BRD4: variants seen among roughly 807,000 people sequenced by gnomAD.
BRD4 encodes the protein bromodomain containing 4.
Under a neutral mutation model 142.1 loss-of-function variants are expected in BRD4, and 16 were observed. That is an observed-to-expected ratio of 0.11 (90% CI 0.08 to 0.17). The LOEUF (loss-of-function observed/expected upper bound fraction) is 0.17. Ranked by LOEUF, BRD4 falls within the 10% of genes least tolerant of loss-of-function variation. BRD4 has a pLI of 1.00. For missense variants in BRD4, 1,424 were observed against 1,810.9 expected (o/e 0.79, Z 3.88); for synonymous variants, 833 against 707.5 (o/e 1.18, Z -2.82).
At chr19:15,319,622 A>G (rs1345059581) in intron 1 of BRD4, among the ~76,000 whole-genome samples, 1 of 152,070 alleles carries the variant, frequency 6.6e-6, no homozygotes, top group East Asian at 1.9e-4. Context: ...TTAAAAAATA[A>G]AAATAAAAAG....
chr19:15,273,039 G>T lies in BRD4; in HGVS notation c.61C>A (p.Leu21Ile). The stretch of plus-strand genomic sequence containing the variant: ...GTTGTAGACATTTGGGAAGTTTCTA[G>T]TCCATCCCCCATTACTGGCAGATTT... ...LRNLPVMGDG[L>I]ETSQMSTTQA... The change falls in exon 2 of 20, where the codon CTA becomes ATA. Residue 21 changes from leucine (L) to isoleucine (I), a missense_variant. Transcript: ENST00000679869. 1 of 1,613,236 alleles carries T rather than the reference G, an allele frequency of 6.2e-7. No individual in the cohort carries two copies. Among genetic ancestry groups the T allele is most frequent in the South Asian group, 1.1e-5 (1 of 91,030 alleles).
Position 15,263,421 on chromosome 19 carries a change from TG to T in BRD4, c.1339del (p.Gln447ArgfsTer137). ...HEVVAMARKL[Q>X]DVFEMRFAKM... ...TGGCTGCGCCCTCCCAAGCCTCACCTGGAGCTTGCGGGCCATGGCCACCACC... is the reference window on the plus strand; with the variant it reads ...TGGCTGCGCCCTCCCAAGCCTCACCTGAGCTTGCGGGCCATGGCCACCACC... On this transcript the variant is annotated frameshift_variant and splice_region_variant, in exon 7 of 20. Transcript: ENST00000679869. LOFTEE classifies it high-confidence loss of function. 1 of 1,613,998 alleles carries T rather than the reference TG, an allele frequency of 6.2e-7. No homozygotes were observed. Among genetic ancestry groups the T allele is most frequent in the Non-Finnish European group, 8.5e-7 (1 of 1,179,850 alleles).
intron 13 of BRD4, among the ~76,000 whole-genome samples, chr19:15,243,910 A>G (rs1006789668): frequency 6.6e-6 from 1 of 152,194 alleles, no homozygotes; most frequent in African/African-American, 2.4e-5. Context: ...AAAGCTGCAG[A>G]GGGGTCCCAG....
chr19:15,296,930 C>CT (rs1004829364), intron 1 of BRD4, among the ~76,000 whole-genome samples: 37 of 152,202 alleles, frequency 2.4e-4, no homozygotes, highest in Non-Finnish European at 4.7e-4. Context: ...AGAAGCCCCC[C>CT]CCACCAACAG....
At position 15,257,087 on chromosome 19, in the gene BRD4, G is replaced by T. The variant is rs752498366; in HGVS notation, c.1428C>A (p.Pro476=). 6.2e-6 allele frequency: 10 copies of T among 1,607,672 alleles called. No individual in the cohort carries two copies. In the East Asian group the frequency reaches 1.8e-4, roughly 29 times the overall value. ...ATGAGGGCGGGGCCACAACCTTGGT[G>T]GGAGGGGGCACTGCCGGGGAGGACA... ...VAVSSPAVPP[P]TKVVAPPSSS... Residue 476 remains proline (P), a synonymous_variant, in exon 8 of 20, where the codon CCC becomes CCA. Coordinates refer to ENST00000679869, the MANE Select transcript of BRD4 (RefSeq NM_001379291.1).
Position 15,299,994 on chromosome 19 carries a change from C to T in BRD4, c.-34-26861G>A, listed in dbSNP as rs540368486. Among the ~76,000 whole-genome samples, 13 of 152,306 alleles carry T rather than the reference C, an allele frequency of 8.5e-5. No individual in the cohort carries two copies. In the East Asian group the frequency reaches 2.3e-3, roughly 27 times the overall value. Reference sequence around the variant, plus strand: ...GCACAGTGATTCATGCCTGCAATCCCAGCACTTTGGGAGGCTGAGGTGAGA... The same window carrying T: ...GCACAGTGATTCATGCCTGCAATCCTAGCACTTTGGGAGGCTGAGGTGAGA... On this transcript the variant is annotated intron_variant, in intron 1 of 19. Transcript: ENST00000679869.
chr19:15,258,853 GA>G (rs2047439712), intron 7 of BRD4, among the ~76,000 whole-genome samples: 1 of 152,090 alleles, frequency 6.6e-6, no homozygotes, highest in Non-Finnish European at 1.5e-5. Context: ...GGTCTACAAT[GA>G]AAAGTGCCAG....
intron 1 of BRD4, among the ~76,000 whole-genome samples, chr19:15,324,014 G>A (rs1014505296): frequency 2.0e-5 from 3 of 152,184 alleles, no homozygotes; most frequent in Admixed American, 2.0e-4. Flanking sequence ...TTATGGAGAC[G>A]ATGTAACTCC....
chr19:15,298,493 C>T (rs1360595932), intron 1 of BRD4, among the ~76,000 whole-genome samples: 6 of 151,706 alleles, frequency 4.0e-5, no homozygotes, highest in Non-Finnish European at 7.4e-5. Flanking sequence ...CGGTGGCAGG[C>T]GCCTGTAGTC....
intron 1 of BRD4, among the ~76,000 whole-genome samples, chr19:15,304,381 CTT>C (rs1246587061): frequency 6.6e-6 from 1 of 152,204 alleles, no homozygotes; most frequent in Non-Finnish European, 1.5e-5. Flanking sequence ...TGGAATCAGC[CTT>C]GTCACTGTGC....
chr19:15,327,061 T>C (rs1333279840), intron 1 of BRD4, among the ~76,000 whole-genome samples: 1 of 152,216 alleles, frequency 6.6e-6, no homozygotes, highest in Non-Finnish European at 1.5e-5. Context: ...CTGATATCCT[T>C]GCAGTTCCAC....
intron 8 of BRD4, 144 bp from the exon 9 acceptor site, chr19:15,256,407 A>G: frequency 2.0e-6 from 2 of 997,290 alleles, no homozygotes; most frequent in Non-Finnish European, 1.5e-6. Flanking sequence ...GGGGAAGGGA[A>G]GGCCCCCAGC....
intron 1 of BRD4, among the ~76,000 whole-genome samples, chr19:15,290,966 T>C (rs936496315): frequency 2.0e-5 from 3 of 152,150 alleles, no homozygotes; most frequent in African/African-American, 7.2e-5. Context: ...AAGACGCATA[T>C]GGTATTTTTT....
At chr19:15,252,751 G>C (rs1243995936) in intron 11 of BRD4, among the ~76,000 whole-genome samples, 1 of 152,234 alleles carries the variant, frequency 6.6e-6, no homozygotes, top group Admixed American at 6.5e-5. Flanking sequence ...TTGTGGTAGA[G>C]AATGTGGGCA....
chr19:15,286,774 T>C (rs2047743343), intron 1 of BRD4, among the ~76,000 whole-genome samples: 1 of 152,228 alleles, frequency 6.6e-6, no homozygotes, highest in South Asian at 2.1e-4. Context: ...CTAACTAAAC[T>C]GAGCATCAGC....
intron 1 of BRD4, among the ~76,000 whole-genome samples, chr19:15,308,269 C>T (rs1421691343): frequency 6.8e-6 from 1 of 146,038 alleles, no homozygotes; most frequent in Non-Finnish European, 1.5e-5. Context: ...CCAGCCTGGG[C>T]AACACAGTGG....
chr19:15,294,854 A>G (rs912342355), intron 1 of BRD4, among the ~76,000 whole-genome samples: 2 of 152,228 alleles, frequency 1.3e-5, no homozygotes, highest in Non-Finnish European at 2.9e-5. Flanking sequence ...AGTAGCAGGC[A>G]GTCAAGGATA....
chr19:15,313,373 T>TAA (rs33991091), intron 1 of BRD4, among the ~76,000 whole-genome samples: 22 of 99,982 alleles, frequency 2.2e-4, no homozygotes, highest in African/African-American at 2.8e-4. Context: ...ACTCCATCTT[T>TAA]AAAAAAAAAA....
intron 6 of BRD4, 86 bp downstream of exon 6, chr19:15,264,318 C>G: frequency 6.7e-7 from 1 of 1,494,930 alleles, no homozygotes; most frequent in South Asian, 1.4e-5. Flanking sequence ...CCTGGGCTTC[C>G]TCTTGGACTA....
Sources: allele counts gnomAD v4.1 joint callset (sites outside exome capture counted in the v4.1 genomes callset), GRCh38; gene constraint gnomAD v4.1.1; transcripts MANE v1.5; gene names NCBI Gene and HGNC (gene_info 2026-07-23, HGNC 2026-07-21).